TTLL11: variants seen among roughly 807,000 people sequenced by gnomAD.
The protein encoded by TTLL11 is tubulin tyrosine ligase like 11.
TTLL11 carries 42 observed loss-of-function variants against 51.7 expected under a neutral mutation model. The observed-to-expected ratio is 0.81, with a 90% confidence interval of 0.64 to 1.05. TTLL11 has a LOEUF of 1.05. Among genes scored for constraint, TTLL11 ranks in the 50% least tolerant of loss-of-function variants. The pLI, the probability that TTLL11 is intolerant of heterozygous loss-of-function variation, is 0.00. For missense variants in TTLL11, 799 were observed against 940.4 expected, an observed-to-expected ratio of 0.85 and a Z score of 1.97; for synonymous variants, 381 against 383.5, an observed-to-expected ratio of 0.99 and a Z score of 0.08.
At chr9:122,074,977 T>C (rs1055521678) in intron 1 of TTLL11, among the ~76,000 whole-genome samples, 7 of 152,168 alleles carry the variant, frequency 4.6e-5, no homozygotes, top group African/African-American at 1.4e-4. Flanking sequence ...TGATAGATGA[T>C]TGATGAGTCC....
intron 6 of TTLL11, among the ~76,000 whole-genome samples, chr9:121,872,026 T>C (rs1449434321): frequency 6.6e-6 from 1 of 152,222 alleles, no homozygotes; most frequent in Non-Finnish European, 1.5e-5. Flanking sequence ...TGCTGCCTGG[T>C]TGACTAACTG....
At chr9:122,092,516 G>T (rs935338001) in intron 1 of TTLL11, among the ~76,000 whole-genome samples, 171 bp downstream of exon 1, 7 of 152,174 alleles carry the variant, frequency 4.6e-5, no homozygotes, top group Non-Finnish European at 1.5e-5. Context: ...AGTGATTTTG[G>T]GGGGTAGGCC....
chr9:122,023,622 G>A (rs1046765196), intron 3 of TTLL11, among the ~76,000 whole-genome samples: 1 of 151,856 alleles, frequency 6.6e-6, no homozygotes, highest in African/African-American at 2.4e-5. Flanking sequence ...TCTTAGGGAT[G>A]CAGGGTTTGT....
chr9:121,989,160 G>A lies in TTLL11; in HGVS notation c.1269+35C>T, dbSNP rs528273217. 1 of 1,607,372 alleles carries A rather than the reference G, an allele frequency of 6.2e-7. No individual in the cohort carries two copies. The highest frequency in any genetic ancestry group is 1.3e-5 in the African/African-American group (1 of 74,936). ...GAGAGCCCTCTTGAGGCCGGTCAAGGCTGGAAACGCAGGCTGGGAACTGGC... is the reference window on the plus strand; with the variant it reads ...GAGAGCCCTCTTGAGGCCGGTCAAGACTGGAAACGCAGGCTGGGAACTGGC... On this transcript the variant is annotated intron_variant, in intron 4 of 8. Transcript: ENST00000321582. The surrounding 1 kb of genome is among the most constrained non-coding windows in gnomAD (Gnocchi z 4.2).
intron 1 of TTLL11, among the ~76,000 whole-genome samples, chr9:122,086,632 C>T (rs1564392293): frequency 1.3e-5 from 2 of 152,228 alleles, no homozygotes; most frequent in African/African-American, 2.4e-5. Flanking sequence ...ACAGGAATTG[C>T]ATCTCCCCTG....
intron 3 of TTLL11, among the ~76,000 whole-genome samples, chr9:122,025,705 G>A (rs1235430115): frequency 1.3e-5 from 2 of 152,192 alleles, no homozygotes; most frequent in Non-Finnish European, 2.9e-5. Flanking sequence ...TTGATGGGAT[G>A]ATAAAATGAC....
chr9:121,834,234 G>A (rs770326472), intron 8 of TTLL11, among the ~76,000 whole-genome samples: 2 of 152,102 alleles, frequency 1.3e-5, no homozygotes, highest in Non-Finnish European at 2.9e-5. Context: ...GCTGCTGCAC[G>A]GTTCCCCTAG....
Position 121,844,660 on chromosome 9 carries a change from G to A in TTLL11, c.1840+15677C>T, listed in dbSNP as rs564145916. 4.6e-5 allele frequency among the ~76,000 whole-genome samples: 7 copies of A among 152,202 alleles called. No homozygotes were observed. In the South Asian group the frequency reaches 1.5e-3, roughly 32 times the overall value. The stretch of plus-strand genomic sequence containing the variant: ...CAAGAACAGATGGAAAATGTAAGGA[G>A]AAATGGAAACTCTAAGAATCCAAAA... On this transcript the variant is annotated intron_variant, in intron 8 of 8. Transcript: ENST00000321582.
At chr9:121,918,108 C>G (rs1375040941) in intron 6 of TTLL11, among the ~76,000 whole-genome samples, 2 of 152,096 alleles carry the variant, frequency 1.3e-5, no homozygotes, top group African/African-American at 4.8e-5. Context: ...GACCACGGAC[C>G]AGGGTGTGGG....
intron 6 of TTLL11, among the ~76,000 whole-genome samples, chr9:121,962,853 G>T (rs1031633629): frequency 1.3e-5 from 2 of 152,214 alleles, no homozygotes; most frequent in Admixed American, 6.5e-5. Context: ...ACCTGCTTGG[G>T]TTCTGCGCTT....
Position 122,015,499 on chromosome 9 carries a change from G to A in TTLL11, c.693+16224C>T, listed in dbSNP as rs534607103. On this transcript the variant is annotated intron_variant, in intron 3 of 8. Coordinates refer to ENST00000321582, the MANE Select transcript of TTLL11 (RefSeq NM_001139442.2). ...GTCTTTACTCCTTTACTAGTTATGC[G>A]CCAGAACCCAGGGCCACTGCATCGG... 5.3e-5 allele frequency among the ~76,000 whole-genome samples: 8 copies of A among 152,114 alleles called. No homozygotes were observed. The South Asian group carries it at 1.0e-3, about 20-fold the overall frequency.
In TTLL11 at chr9:121,982,079, T is replaced by C. The variant is rs376313510; in HGVS notation, c.1270-7100A>G. ...GTAATTCTGCCCCACAAATTCCAGC[T>C]ACCTTAGCCTTCCCAAACTTCAATC... On this transcript the variant is annotated intron_variant, in intron 4 of 8. Transcript: ENST00000321582. Among the ~76,000 whole-genome samples, 187 of 152,348 alleles carry C rather than the reference T, an allele frequency of 1.2e-3. 1 individual carries two copies. Among genetic ancestry groups the C allele is most frequent in the African/African-American group, 4.3e-3 (177 of 41,596 alleles).
chr9:122,078,944 G>C (rs1845930315), intron 1 of TTLL11, among the ~76,000 whole-genome samples: 1 of 152,140 alleles, frequency 6.6e-6, no homozygotes, highest in African/African-American at 2.4e-5. Flanking sequence ...AGAAAGTTTA[G>C]AGTACTGTTA....
chr9:122,017,603 C>T (rs1844026036), intron 3 of TTLL11, among the ~76,000 whole-genome samples: 2 of 151,418 alleles, frequency 1.3e-5, no homozygotes, highest in South Asian at 2.1e-4. Flanking sequence ...GCTGGGATTA[C>T]AGGCACCCAC....
intron 1 of TTLL11, among the ~76,000 whole-genome samples, chr9:122,043,506 G>C (rs1844905535): frequency 6.6e-6 from 1 of 151,826 alleles, no homozygotes; most frequent in South Asian, 2.1e-4. Flanking sequence ...TAGATCAAAG[G>C]CCTAATCATA....
intron 6 of TTLL11, among the ~76,000 whole-genome samples, chr9:121,908,141 A>AC (rs1405992607): frequency 6.6e-6 from 1 of 152,186 alleles, no homozygotes; most frequent in Non-Finnish European, 1.5e-5. Flanking sequence ...AAAGGGGAAG[A>AC]CACCTTCTTC....
intron 6 of TTLL11, among the ~76,000 whole-genome samples, chr9:121,960,594 A>G (rs1190737449): frequency 6.6e-6 from 1 of 152,148 alleles, no homozygotes; most frequent in African/African-American, 2.4e-5. Flanking sequence ...GGCTACGGGC[A>G]TCACCGATCC....
At chr9:122,028,555 A>C (rs966504034) in intron 3 of TTLL11, among the ~76,000 whole-genome samples, 1 of 152,230 alleles carries the variant, frequency 6.6e-6, no homozygotes, top group Non-Finnish European at 1.5e-5. Flanking sequence ...GACAGAACTA[A>C]AAAGAGAAGC....
chr9:122,079,903 G>T (rs1046356780), intron 1 of TTLL11, among the ~76,000 whole-genome samples: 1 of 152,096 alleles, frequency 6.6e-6, no homozygotes, highest in South Asian at 2.1e-4. Context: ...CGAGGTGGAA[G>T]GATCACTTGA....
Sources: allele counts gnomAD v4.1 joint callset (sites outside exome capture counted in the v4.1 genomes callset), GRCh38; gene constraint gnomAD v4.1.1; non-coding constraint Gnocchi (gnomAD v3.1); transcripts MANE v1.5; gene names NCBI Gene and HGNC (gene_info 2026-07-23, HGNC 2026-07-21).